The following MED12L variants were observed in gnomAD, a reference collection of about 807,000 sequenced individuals.
MED12L encodes mediator of RNA polymerase II transcription subunit 12-like protein.
MED12L carries 60 observed loss-of-function variants against 281.3 expected under a neutral mutation model. That is an observed-to-expected ratio of 0.21 (90% CI 0.17 to 0.26). The LOEUF (loss-of-function observed/expected upper bound fraction) is 0.26, where lower values mean the gene tolerates loss of function less well. Among genes scored for constraint, MED12L ranks in the 10% least tolerant of loss-of-function variants. The probability of loss-of-function intolerance (pLI) is 1.00; values close to 1 mark genes in which losing one functional copy is unlikely to be tolerated. For missense variants in MED12L, 2,146 were observed against 2,680.9 expected, an observed-to-expected ratio of 0.80 and a Z score of 4.41; for synonymous variants, 974 against 987.2, an observed-to-expected ratio of 0.99 and a Z score of 0.25.
intron 16 of MED12L, among the ~76,000 whole-genome samples, chr3:151,319,177 G>A (rs1748674607): frequency 6.6e-6 from 1 of 152,132 alleles, no homozygotes; most frequent in African/African-American, 2.4e-5. Flanking sequence ...TACATGTTTA[G>A]TCATGAAAAA....
intron 16 of MED12L, chr3:151,213,795 T>C (rs767759226): frequency 6.8e-6 from 11 of 1,614,038 alleles, no homozygotes; most frequent in Non-Finnish European, 9.3e-6. Context: ...CACTTTTCAG[T>C]TCTATACATT....
intron 19 of MED12L, 129 bp from the exon 20 acceptor site, chr3:151,357,084 T>A (rs985485796): frequency 3.7e-5 from 31 of 835,590 alleles, no homozygotes; most frequent in African/African-American, 2.4e-4. Flanking sequence ...TTAAAAATTT[T>A]AAAAAAGTTA....
Position 151,086,901 on chromosome 3 carries a change from C to T in MED12L, c.-26C>T, listed in dbSNP as rs1265253481. 5 of 1,552,270 alleles carry T rather than the reference C, an allele frequency of 3.2e-6. No homozygotes were observed. The highest frequency in any genetic ancestry group is 4.4e-6 in the Non-Finnish European group (5 of 1,145,932). ...GGCTGCTCCAGCTCCAACTCTCATT[C>T]ATTTCGCCGGTTAACATGAGAGATC... is the stretch of plus-strand genomic sequence containing the variant. On this transcript the variant is annotated 5_prime_UTR_variant, in exon 2 of 45. Transcript: ENST00000687756.
In MED12L at chr3:151,213,253, A is replaced by G. The variant is rs199519635; in HGVS notation, c.2250+19587A>G. On this transcript the variant is annotated intron_variant, in intron 16 of 44. Transcript: ENST00000687756. ...TTATTGATTTCTGTTATGTAATTGA[A>G]GATGACAACATGCACACGTGGTCTT... 250 of 1,391,872 alleles carry G rather than the reference A, an allele frequency of 1.8e-4. No homozygotes were observed. The East Asian group carries it at 3.3e-3, about 19-fold the overall frequency. The allele number at this position is 1,391,872 out of a possible 1,614,324, so 86.2% of individuals were successfully genotyped here.
intron 16 of MED12L, among the ~76,000 whole-genome samples, chr3:151,235,994 A>G (rs1016425381): frequency 1.3e-5 from 2 of 152,116 alleles, no homozygotes; most frequent in African/African-American, 2.4e-5. Context: ...ATGACTTTCA[A>G]TGGCAAAAAC....
intron 5 of MED12L, among the ~76,000 whole-genome samples, chr3:151,144,493 G>T (rs1188295645): frequency 6.6e-6 from 1 of 152,032 alleles, no homozygotes. Context: ...CTCCCTTGTC[G>T]ACCCCTCTCC....
chr3:151,294,439 G>A (rs779582675), intron 16 of MED12L: 15 of 1,614,228 alleles, frequency 9.3e-6, no homozygotes, highest in Admixed American at 1.7e-5. Flanking sequence ...TTCTGCACAA[G>A]TGATATGGTA....
chr3:151,127,727 CT>C, intron 4 of MED12L, 97 bp from the exon 5 acceptor site: 1 of 831,078 alleles, frequency 1.2e-6, no homozygotes, highest in Non-Finnish European at 1.8e-6. Flanking sequence ...CAGCAGGTAA[CT>C]TACAGACTCT....
At chr3:151,361,426 G>A (rs1360076209) in intron 21 of MED12L, among the ~76,000 whole-genome samples, 1 of 69,410 alleles carries the variant, frequency 1.4e-5, no homozygotes, top group Non-Finnish European at 2.6e-5. Flanking sequence ...ATGTTTCCTG[G>A]TATGAAAAAA....
At chr3:151,263,769 C>T (rs921468060) in intron 16 of MED12L, among the ~76,000 whole-genome samples, 2 of 152,166 alleles carry the variant, frequency 1.3e-5, no homozygotes, top group South Asian at 4.1e-4. Context: ...TACCACCCCC[C>T]CCACTTATCA....
intron 31 of MED12L, among the ~76,000 whole-genome samples, chr3:151,378,393 C>A (rs1474837284): frequency 6.6e-6 from 1 of 152,158 alleles, no homozygotes; most frequent in African/African-American, 2.4e-5. Flanking sequence ...ATATCCAAAT[C>A]ACTGCTGAAC....
intron 10 of MED12L, 70 bp downstream of exon 10, chr3:151,165,589 A>G: frequency 7.4e-7 from 1 of 1,348,548 alleles, no homozygotes; most frequent in Non-Finnish European, 1.1e-6. Flanking sequence ...GCTTCTTATA[A>G]ACCATTCCAC....
At chr3:151,395,920 T>G (rs982941531) in intron 39 of MED12L, among the ~76,000 whole-genome samples, 71 of 152,332 alleles carry the variant, frequency 4.7e-4, no homozygotes, top group African/African-American at 1.7e-3. Flanking sequence ...TTGGGCCACT[T>G]AGTGATGATT....
intron 16 of MED12L, among the ~76,000 whole-genome samples, chr3:151,291,090 C>G (rs1271298999): frequency 6.7e-6 from 1 of 148,956 alleles, no homozygotes. Context: ...GGTGCTTAGT[C>G]TGGGTACAGT....
At chr3:151,294,381 G>A (rs1323994768) in intron 16 of MED12L, 2 of 1,613,830 alleles carry the variant, frequency 1.2e-6, no homozygotes, top group South Asian at 2.2e-5. Flanking sequence ...AGGATTTTTT[G>A]TGCAGATTCA....
rs758451670 is a variant in MED12L, at chr3:151,192,561, T to A, written c.1980T>A (p.Ile660=). 45 of 1,534,134 alleles carry A rather than the reference T, an allele frequency of 2.9e-5. No individual in the cohort carries two copies. The highest frequency in any genetic ancestry group is 2.4e-4 in the South Asian group (20 of 84,012). ...DHDVKMEEQS[I]MAHMGIDSGT... ...CTGGCGATTATCAGGAACAGAGTAT[T>A]ATGGCGCATATGGGCATTGACTCAG... Residue 660 remains isoleucine (I), a synonymous_variant, in exon 15 of 45, where the codon ATT becomes ATA. Coordinates refer to ENST00000687756, the MANE Select transcript of MED12L (RefSeq NM_001393769.1).
At chr3:151,113,973 C>T (rs977010769) in intron 2 of MED12L, among the ~76,000 whole-genome samples, 4 of 152,150 alleles carry the variant, frequency 2.6e-5, no homozygotes, top group Admixed American at 2.6e-4. Flanking sequence ...TGCTGTTACT[C>T]AATGTTTCTT....
chr3:151,409,299 G>A lies in MED12L; in HGVS notation c.5877G>A (p.Gln1959=). The A allele has an allele frequency of 6.2e-7, 1 of 1,613,862 alleles. No individual in the cohort carries two copies. Among genetic ancestry groups the A allele is most frequent in the Non-Finnish European group, 8.5e-7 (1 of 1,179,972 alleles). ...CTGCGCAAGCACGGCCCTCCCCTCA[G>A]CTCCCTCAGTATCCAGGGCTGCAGC... The part of the protein sequence containing the change: ...LFAAQARPSP[Q]LPQYPGLQQA... Residue 1959 remains glutamine (Q), a synonymous_variant, in exon 40 of 45, where the codon CAG becomes CAA. Coordinates refer to ENST00000687756, the MANE Select transcript of MED12L (RefSeq NM_001393769.1).
chr3:151,367,810 C>A, intron 24 of MED12L, 44 bp downstream of exon 24: 2 of 1,569,680 alleles, frequency 1.3e-6, no homozygotes, highest in East Asian at 2.3e-5. Context: ...TGATTGTTGT[C>A]TTGATGGAGT....
Sources: allele counts gnomAD v4.1 joint callset (sites outside exome capture counted in the v4.1 genomes callset), GRCh38; gene constraint gnomAD v4.1.1; transcripts MANE v1.5; gene names NCBI Gene and HGNC (gene_info 2026-07-23, HGNC 2026-07-21).